ITFG1: variants seen among roughly 807,000 people sequenced by gnomAD.
ITFG1 encodes integrin alpha FG-GAP repeat containing 1.
A neutral mutation model predicts 81.8 loss-of-function variants in ITFG1; 34 were observed. That is an observed-to-expected ratio of 0.42 (90% CI 0.32 to 0.55). The LOEUF (loss-of-function observed/expected upper bound fraction) is 0.55. ITFG1 is among the 20% of genes least tolerant of loss of function. The pLI is 0.17. For synonymous variants in ITFG1, 285 were observed against 270.6 expected (o/e 1.05, Z -0.52); for missense variants, 672 against 755.4 (o/e 0.89, Z 1.29).
At chr16:47,176,821 T>A (rs185347224) in intron 14 of ITFG1, among the ~76,000 whole-genome samples, 35 of 152,380 alleles carry the variant, frequency 2.3e-4, no homozygotes, top group South Asian at 4.1e-4. Flanking sequence ...ATCAGTATTC[T>A]ATTAAAGTCA....
chr16:47,171,571 G>A (rs1391428907), intron 14 of ITFG1, among the ~76,000 whole-genome samples: 2 of 151,752 alleles, frequency 1.3e-5, no homozygotes, highest in Non-Finnish European at 2.9e-5. Flanking sequence ...CCTCCTGCTG[G>A]CTTTGAGTTT....
At chr16:47,384,110 A>G (rs1379776770) in intron 6 of ITFG1, among the ~76,000 whole-genome samples, 1 of 152,228 alleles carries the variant, frequency 6.6e-6, no homozygotes, top group East Asian at 1.9e-4. Context: ...AGACATTTAA[A>G]ATCAAATTCA....
intron 6 of ITFG1, among the ~76,000 whole-genome samples, chr16:47,396,760 A>G (rs937519567): frequency 6.6e-6 from 1 of 152,168 alleles, no homozygotes; most frequent in African/African-American, 2.4e-5. Flanking sequence ...AAAGCGTTGC[A>G]GGGAGGGCAC....
intron 11 of ITFG1, among the ~76,000 whole-genome samples, chr16:47,259,901 G>C (rs1038440406): frequency 2.6e-5 from 4 of 151,208 alleles, no homozygotes; most frequent in African/African-American, 9.7e-5. Context: ...TTGTGATCTT[G>C]TGCAGATTCA....
intron 4 of ITFG1, among the ~76,000 whole-genome samples, chr16:47,452,190 C>T (rs1969397933): frequency 6.6e-6 from 1 of 152,128 alleles, no homozygotes. Flanking sequence ...GTACTGGAAA[C>T]AAGAATGTGG....
At chr16:47,446,939 T>A (rs983813165) in intron 5 of ITFG1, among the ~76,000 whole-genome samples, 1 of 151,892 alleles carries the variant, frequency 6.6e-6, no homozygotes, top group African/African-American at 2.4e-5. Context: ...CACGGCTCAC[T>A]GCAGCCTGGA....
Position 47,206,164 on chromosome 16 carries a change from C to T in ITFG1, c.1453+12704G>A, listed in dbSNP as rs928330289. 4.6e-5 allele frequency among the ~76,000 whole-genome samples: 7 copies of T among 152,210 alleles called. No individual in the cohort carries two copies. In the South Asian group the frequency reaches 8.3e-4, roughly 18 times the overall value. On this transcript the variant is annotated intron_variant, in intron 14 of 17. Transcript: ENST00000320640. Reference sequence around the variant, plus strand: ...CACAGGCGTGATCCACCACGCCTGGCCAGGCATTAAATATTTGATAATAAT... The same window carrying T: ...CACAGGCGTGATCCACCACGCCTGGTCAGGCATTAAATATTTGATAATAAT...
At chr16:47,442,579 C>G (rs1477304022) in intron 5 of ITFG1, among the ~76,000 whole-genome samples, 2 of 152,092 alleles carry the variant, frequency 1.3e-5, no homozygotes, top group African/African-American at 2.4e-5. Context: ...CAGAACAGAG[C>G]CCTCAGAAAT....
At chr16:47,262,295 G>A (rs1966218869) in intron 10 of ITFG1, among the ~76,000 whole-genome samples, 1 of 152,160 alleles carries the variant, frequency 6.6e-6, no homozygotes, top group African/African-American at 2.4e-5. Flanking sequence ...TTATAGAACA[G>A]TATTTGTCCA....
At chr16:47,229,705 A>G (rs1364008122) in intron 13 of ITFG1, among the ~76,000 whole-genome samples, 1 of 151,994 alleles carries the variant, frequency 6.6e-6, no homozygotes, top group East Asian at 1.9e-4. Context: ...AGGGAAAGGA[A>G]AAAGTGAGCC....
chr16:47,242,333 C>CA (rs60088139), intron 12 of ITFG1, among the ~76,000 whole-genome samples: 5,562 of 131,052 alleles, frequency 0.042, 234 homozygotes, highest in African/African-American at 0.11. Context: ...TGCAAATAAT[C>CA]AAAAAAAAAA....
Position 47,213,535 on chromosome 16 carries a change from C to T in ITFG1, c.1453+5333G>A, listed in dbSNP as rs565958194. Among the ~76,000 whole-genome samples the T allele has an allele frequency of 9.9e-5, 15 of 152,198 alleles. No homozygotes were observed. In the Middle Eastern group the frequency reaches 0.01, roughly 104 times the overall value. On this transcript the variant is annotated intron_variant, in intron 14 of 17. Transcript: ENST00000320640. ...AACTATAAATGTAGATTTGTCTATT[C>T]GCCTTTCAGTTCAATTTTGGCTTCA...
chr16:47,419,594 T>C (rs1023470382), intron 6 of ITFG1, among the ~76,000 whole-genome samples: 1 of 147,088 alleles, frequency 6.8e-6, no homozygotes, highest in Non-Finnish European at 1.5e-5. Context: ...ACGGCCTTAC[T>C]TCAGGTCTTT....
chr16:47,444,546 A>G (rs1969298069), intron 5 of ITFG1, among the ~76,000 whole-genome samples: 1 of 152,200 alleles, frequency 6.6e-6, no homozygotes, highest in South Asian at 2.1e-4. Flanking sequence ...GCCAACATGT[A>G]AATTTATATA....
At chr16:47,265,253 A>G (rs190468970) in intron 10 of ITFG1, among the ~76,000 whole-genome samples, 271 of 151,700 alleles carry the variant, frequency 1.8e-3, no homozygotes, top group Non-Finnish European at 3.0e-3. Context: ...ATTTATGTCT[A>G]TATTTTTCTT....
chr16:47,429,267 C>T (rs1415481017), intron 5 of ITFG1, among the ~76,000 whole-genome samples: 1 of 152,202 alleles, frequency 6.6e-6, no homozygotes, highest in Non-Finnish European at 1.5e-5. Flanking sequence ...CAAGTTCATC[C>T]ATGTTGAAAC....
At chr16:47,423,251 ATTTTT>A (rs748793229) in intron 6 of ITFG1, among the ~76,000 whole-genome samples, 2 of 118,304 alleles carry the variant, frequency 1.7e-5, no homozygotes, top group Admixed American at 8.5e-5. Flanking sequence ...GCAATCCCTG[ATTTTT>A]TTTTTTTTTT....
At chr16:47,258,821 A>T in intron 11 of ITFG1, 81 bp from the exon 12 acceptor site, 1 of 580,494 alleles carries the variant, frequency 1.7e-6, no homozygotes, top group Admixed American at 3.8e-5. Context: ...TGCATGGCAT[A>T]TTGTTTATAA....
At chr16:47,172,719 A>G (rs1481748720) in intron 14 of ITFG1, among the ~76,000 whole-genome samples, 3 of 152,154 alleles carry the variant, frequency 2.0e-5, no homozygotes, top group Admixed American at 6.5e-5. Context: ...TTCTATTTCC[A>G]CTGCTACCAC....
Sources: gnomAD v4.1 joint callset for allele counts (sites outside exome capture counted in the v4.1 genomes callset) on GRCh38, gnomAD v4.1.1 for gene constraint, MANE v1.5 for transcripts, NCBI Gene and HGNC (gene_info 2026-07-23, HGNC 2026-07-21) for gene names.